ATP1B4: variants seen among roughly 807,000 people sequenced by gnomAD.
ATP1B4 encodes the protein ATPase Na+/K+ transporting family member beta 4, also known as protein ATP1B4.
Under a neutral mutation model 29.6 loss-of-function variants are expected in ATP1B4, and 32 were observed. The observed-to-expected ratio is 1.08, with a 90% CI of 0.82 to 1.45. The LOEUF is 1.45. ATP1B4 is among the 40% of genes most tolerant of loss of function. The pLI is 0.00. For missense variants in ATP1B4, 323 were observed against 276.2 expected, an observed-to-expected ratio of 1.17 and a Z score of -1.20; for synonymous variants, 127 against 102.1, an observed-to-expected ratio of 1.24 and a Z score of -1.47.
chrX:120,365,442 G>T (rs971894435), intron 1 of ATP1B4, among the ~76,000 whole-genome samples: 2 of 112,042 alleles, frequency 1.8e-5, no homozygotes, highest in African/African-American at 6.5e-5. Flanking sequence ...TTTTAGCAGG[G>T]TGCCCTCTAA....
At chrX:120,374,824 ATATATATATTATATATAAGGG>A (rs1180804381) in intron 4 of ATP1B4, among the ~76,000 whole-genome samples, 14 of 20,914 alleles carry the variant, frequency 6.7e-4, no homozygotes, top group African/African-American at 2.0e-3. Flanking sequence ...ATATAAGGGT[ATATATATATTATATATAAGGG>A]TATATATATA....
intron 1 of ATP1B4, among the ~76,000 whole-genome samples, chrX:120,362,803 G>C (rs147006051): frequency 8.9e-6 from 1 of 112,094 alleles, no homozygotes; most frequent in Non-Finnish European, 1.9e-5. Context: ...GTACAGGAGT[G>C]ACTTGCAAGT....
rs760120033 is a variant in ATP1B4, at chrX:120,362,401, C to A, written c.63+170C>A. Among the ~76,000 whole-genome samples, 49 of 110,953 alleles carry A rather than the reference C, an allele frequency of 4.4e-4. No individual in the cohort carries two copies. In the South Asian group the frequency reaches 0.018, roughly 41 times the overall value. On this transcript the variant is annotated intron_variant, in intron 1 of 7. Transcript: ENST00000218008. ...AAAAAGGAGCAGTGACTCCCAGCAC[C>A]CCCGGGCACCCTAAACTGCTGGATA...
Position 120,379,473 on chromosome X carries a change from G to T in ATP1B4, c.913G>T (p.Val305Phe), listed in dbSNP as rs2147258488. 1 of 1,202,901 alleles carries T rather than the reference G, an allele frequency of 8.3e-7. No homozygotes were observed. Among genetic ancestry groups the T allele is most frequent in the Non-Finnish European group, 1.1e-6 (1 of 891,785 alleles). Residue 305 changes from valine to phenylalanine, a missense_variant and splice_region_variant, in exon 8 of 8, where the codon GTT becomes TTT. Val to Phe is a conservative substitution (Grantham distance 50). Coordinates refer to ENST00000218008, the MANE Select transcript of ATP1B4 (RefSeq NM_001142447.3). ...YYPYYGKLTH[V>F]NYTSPLVAMH... ...GAATTCATTTTTCTTCTACCTGCAGGTTAACTACACATCCCCCTTGGTGGC... is the reference window on the plus strand; with the variant it reads ...GAATTCATTTTTCTTCTACCTGCAGTTTAACTACACATCCCCCTTGGTGGC...
intron 1 of ATP1B4, among the ~76,000 whole-genome samples, chrX:120,365,544 G>A (rs967708011): frequency 2.7e-5 from 3 of 112,280 alleles, no homozygotes; most frequent in East Asian, 5.6e-4. Flanking sequence ...GCACAGCCCC[G>A]CAACTCTTCA....
rs757092684 is a variant in ATP1B4, at chrX:120,380,872, T to C, written c.*1238T>C. On this transcript the variant is annotated 3_prime_UTR_variant, in exon 8 of 8. Transcript: ENST00000218008. ...GATGTGGATCAGCCAGGTCACTTTG[T>C]CTTATCTTTGGTCACCTGATCACTC... 3.6e-5 allele frequency: 4 copies of C among 112,082 alleles called. No homozygotes were observed. Among genetic ancestry groups the C allele is most frequent in the Non-Finnish European group, 5.6e-5 (3 of 53,196 alleles). 9.2% of individuals were successfully genotyped at this position (112,082 alleles called of 1,213,427 possible). A position where few individuals can be genotyped will look rare whatever the true frequency, so the allele number is the denominator to read the frequency against.
chrX:120,371,454 G>T (rs2058313160), intron 4 of ATP1B4, among the ~76,000 whole-genome samples: 1 of 111,714 alleles, frequency 9.0e-6, no homozygotes, highest in Non-Finnish European at 1.9e-5. Flanking sequence ...TTGTGGCAGA[G>T]AAATTTTTTT....
At chrX:120,368,641 G>T (rs1420079942) in intron 2 of ATP1B4, among the ~76,000 whole-genome samples, 1 of 111,812 alleles carries the variant, frequency 8.9e-6, no homozygotes, top group Non-Finnish European at 1.9e-5. Context: ...ATCCTGGTTG[G>T]ATGAACACCA....
intron 2 of ATP1B4, among the ~76,000 whole-genome samples, chrX:120,368,809 G>T (rs1432435870): frequency 8.9e-6 from 1 of 111,741 alleles, no homozygotes; most frequent in African/African-American, 3.3e-5. Context: ...GCCCGGGTGG[G>T]GCATTGAGGA....
intron 4 of ATP1B4, among the ~76,000 whole-genome samples, chrX:120,374,770 ATAT>A (rs2058339962): frequency 9.5e-5 from 1 of 10,556 alleles, no homozygotes; most frequent in Non-Finnish European, 1.3e-4. Context: ...TATTATATAT[ATAT>A]AATATATATA....
rs1384761159 is a variant in ATP1B4, at chrX:120,381,675, T to G, written c.*2041T>G. 8.9e-6 allele frequency: 1 copy of G among 111,946 alleles called. No individual in the cohort carries two copies. The highest frequency in any genetic ancestry group is 1.9e-5 in the Non-Finnish European group (1 of 53,213). The allele number at this position is 111,946 out of a possible 1,213,427, so 9.2% of individuals were successfully genotyped here. On this transcript the variant is annotated 3_prime_UTR_variant, in exon 8 of 8. Coordinates refer to ENST00000218008, the MANE Select transcript of ATP1B4 (RefSeq NM_001142447.3). The stretch of plus-strand genomic sequence containing the variant: ...CATGTTGGCCAGGCTGGTCTCGAAC[T>G]CCTGACCTCAAGTGATCCGCCTGCC...
chrX:120,372,292 T>A (rs1452222591), intron 4 of ATP1B4, among the ~76,000 whole-genome samples: 1 of 112,067 alleles, frequency 8.9e-6, no homozygotes, highest in Non-Finnish European at 1.9e-5. Flanking sequence ...CCTGGCCTGG[T>A]TGAAGTGGGG....
chrX:120,381,881 G>C lies in ATP1B4; in HGVS notation c.*2247G>C, dbSNP rs1379614911. ...AAAGGTTTGAGCTTGGCTAGAACCG[G>C]TAAGATGGTGACATTGTTGATCAAG... is the stretch of plus-strand genomic sequence containing the variant. On this transcript the variant is annotated 3_prime_UTR_variant, in exon 8 of 8. Transcript: ENST00000218008. The C allele has an allele frequency of 8.9e-6, 1 of 112,018 alleles. No homozygotes were observed. The highest frequency in any genetic ancestry group is 1.9e-5 in the Non-Finnish European group (1 of 53,211). The allele number at this position is 112,018 out of a possible 1,213,427, so 9.2% of individuals were successfully genotyped here. A position where few individuals can be genotyped will look rare whatever the true frequency, so the allele number is the denominator to read the frequency against.
intron 2 of ATP1B4, among the ~76,000 whole-genome samples, chrX:120,369,845 G>A (rs1413165224): frequency 1.8e-5 from 2 of 112,461 alleles, no homozygotes; most frequent in Non-Finnish European, 3.8e-5. Flanking sequence ...TAAGAAGTAA[G>A]TACCACTATT....
chrX:120,373,452 C>T (rs1010500057), intron 4 of ATP1B4, among the ~76,000 whole-genome samples: 1 of 112,306 alleles, frequency 8.9e-6, no homozygotes, highest in Non-Finnish European at 1.9e-5. Context: ...GAGGATTCAG[C>T]AGCACATTTT....
intron 4 of ATP1B4, among the ~76,000 whole-genome samples, chrX:120,371,809 C>T (rs1244187257): frequency 1.8e-5 from 2 of 112,064 alleles, no homozygotes; most frequent in Non-Finnish European, 3.8e-5. Flanking sequence ...GCTGGGACTA[C>T]ATGTGCGTGC....
chrX:120,366,855 C>T (rs2058289074), intron 2 of ATP1B4, 66 bp downstream of exon 2: 4 of 1,162,859 alleles, frequency 3.4e-6, no homozygotes, highest in South Asian at 4.1e-5. Flanking sequence ...GTTCAGGGCT[C>T]CTTTACCATA....
chrX:120,369,852 T>C (rs1414395673), intron 2 of ATP1B4, among the ~76,000 whole-genome samples: 1 of 112,443 alleles, frequency 8.9e-6, no homozygotes, highest in Non-Finnish European at 1.9e-5. Flanking sequence ...TAAGTACCAC[T>C]ATTGTACAGA....
At chrX:120,374,606 A>T (rs2058332981) in intron 4 of ATP1B4, among the ~76,000 whole-genome samples, 1 of 41,800 alleles carries the variant, frequency 2.4e-5, no homozygotes, top group Non-Finnish European at 3.9e-5. Flanking sequence ...CCTTATATAT[A>T]ATATATATAT....
Sources: allele counts gnomAD v4.1 joint callset (sites outside exome capture counted in the v4.1 genomes callset), GRCh38; gene constraint gnomAD v4.1.1; transcripts MANE v1.5; gene names NCBI Gene and HGNC (gene_info 2026-07-23, HGNC 2026-07-21).